DPP10: variants seen among roughly 807,000 people sequenced by gnomAD.
DPP10 encodes dipeptidyl peptidase like 10, also known as inactive dipeptidyl peptidase 10.
A neutral mutation model predicts 120.9 loss-of-function variants in DPP10; 33 were observed. That is an observed-to-expected ratio of 0.27 (90% CI 0.21 to 0.37). The LOEUF is 0.37. Ranked by LOEUF, DPP10 falls within the 10% of genes least tolerant of loss-of-function variation. DPP10 has a pLI of 1.00. For missense variants in DPP10, 816 were observed against 942.8 expected (o/e 0.87, Z 1.76); for synonymous variants, 337 against 326.1 (o/e 1.03, Z -0.36).
chr2:115,682,628 G>C (rs986768345), intron 5 of DPP10, among the ~76,000 whole-genome samples: 8 of 151,700 alleles, frequency 5.3e-5, no homozygotes, highest in African/African-American at 1.9e-4. Context: ...TCTGGTATTA[G>C]CTGCTATTAA....
chr2:115,170,552 A>C (rs1270952383), intron 1 of DPP10, among the ~76,000 whole-genome samples: 5 of 152,222 alleles, frequency 3.3e-5, no homozygotes, highest in Non-Finnish European at 7.3e-5. Context: ...TATCTACCTC[A>C]CTAGCTTTTA....
intron 1 of DPP10, among the ~76,000 whole-genome samples, chr2:114,979,564 C>T (rs1574622590): frequency 1.3e-5 from 2 of 151,922 alleles, no homozygotes; most frequent in African/African-American, 4.8e-5. Context: ...CAATCTGTCA[C>T]GTTTGATAAT....
chr2:114,737,571 C>G (rs1677575173), intron 1 of DPP10, among the ~76,000 whole-genome samples: 2 of 152,174 alleles, frequency 1.3e-5, no homozygotes, highest in Non-Finnish European at 2.9e-5. Context: ...AGGAAGCATC[C>G]TCCTTACTCC....
intron 3 of DPP10, among the ~76,000 whole-genome samples, chr2:115,391,173 T>G (rs1042336671): frequency 6.6e-6 from 1 of 152,198 alleles, no homozygotes; most frequent in African/African-American, 2.4e-5. Flanking sequence ...CATTTTTGGA[T>G]AGTATGCACT....
chr2:115,087,541 T>C (rs1708822518), intron 1 of DPP10, among the ~76,000 whole-genome samples: 1 of 139,516 alleles, frequency 7.2e-6, no homozygotes, highest in African/African-American at 2.7e-5. Flanking sequence ...TTCTTTTCTT[T>C]TTTTTTTTTT....
At chr2:114,499,536 C>G (rs545459755) in intron 1 of DPP10, among the ~76,000 whole-genome samples, 1 of 152,006 alleles carries the variant, frequency 6.6e-6, no homozygotes, top group East Asian at 1.9e-4. Flanking sequence ...TGCGCCATCT[C>G]CCAATAAAAT....
At chr2:114,956,585 GAA>G (rs1018629034) in intron 1 of DPP10, among the ~76,000 whole-genome samples, 1 of 151,984 alleles carries the variant, frequency 6.6e-6, no homozygotes, top group African/African-American at 2.4e-5. Context: ...TTCATGGAAA[GAA>G]AAAAGTGTCC....
chr2:115,650,668 C>G (rs1239887156), intron 5 of DPP10, among the ~76,000 whole-genome samples: 2 of 152,118 alleles, frequency 1.3e-5, no homozygotes, highest in African/African-American at 4.8e-5. Context: ...GTGGTCTCTA[C>G]TTGGTCTCCC....
At chr2:114,676,835 A>T (rs1698703359) in intron 1 of DPP10, among the ~76,000 whole-genome samples, 1 of 152,050 alleles carries the variant, frequency 6.6e-6, no homozygotes, top group South Asian at 2.1e-4. Context: ...TCTTCTCTGG[A>T]AATTGAGCCC....
intron 1 of DPP10, among the ~76,000 whole-genome samples, chr2:114,840,737 G>A (rs1273023096): frequency 6.6e-6 from 1 of 152,124 alleles, no homozygotes; most frequent in Non-Finnish European, 1.5e-5. Context: ...TTTACACTTT[G>A]TGGTTCTTCT....
chr2:114,983,977 G>A (rs991832850), intron 1 of DPP10, among the ~76,000 whole-genome samples: 2 of 152,188 alleles, frequency 1.3e-5, no homozygotes, highest in African/African-American at 4.8e-5. Context: ...GCCTCTCCAT[G>A]CAAATTGCTG....
chr2:114,740,919 G>C (rs763640930), intron 1 of DPP10, among the ~76,000 whole-genome samples: 35 of 152,176 alleles, frequency 2.3e-4, no homozygotes, highest in Non-Finnish European at 3.7e-4. Flanking sequence ...GAGTAATTTT[G>C]AATAATGATT....
At chr2:114,498,808 C>A (rs1682901218) in intron 1 of DPP10, among the ~76,000 whole-genome samples, 1 of 152,150 alleles carries the variant, frequency 6.6e-6, no homozygotes, top group Non-Finnish European at 1.5e-5. Context: ...TAAATTTCAA[C>A]ATAAGTTTCA....
At chr2:115,656,842 G>A (rs1272780499) in intron 5 of DPP10, among the ~76,000 whole-genome samples, 1 of 151,642 alleles carries the variant, frequency 6.6e-6, no homozygotes, top group Non-Finnish European at 1.5e-5. Flanking sequence ...TATAAAATTT[G>A]AGAAGTGCTT....
intron 3 of DPP10, among the ~76,000 whole-genome samples, chr2:115,482,516 A>G (rs2075502691): frequency 6.6e-6 from 1 of 152,016 alleles, no homozygotes; most frequent in Non-Finnish European, 1.5e-5. Context: ...AGGGAAATCT[A>G]GTACACAGTC....
At chr2:115,004,521 C>T (rs141063602) in intron 1 of DPP10, among the ~76,000 whole-genome samples, 3,085 of 151,640 alleles carry the variant, frequency 0.02, 45 homozygotes, top group African/African-American at 0.037. Flanking sequence ...GCACCGTGCG[C>T]GAGCCAAAGC....
At chr2:115,746,039 A>G (rs1677927260) in intron 9 of DPP10, 47 bp from the exon 10 acceptor site, 6 of 1,374,046 alleles carry the variant, frequency 4.4e-6, no homozygotes, top group Non-Finnish European at 5.0e-6. Flanking sequence ...TACCCAATAT[A>G]TTCTAATGCT....
intron 1 of DPP10, among the ~76,000 whole-genome samples, chr2:114,931,673 T>C (rs558955142): frequency 6.6e-6 from 1 of 152,278 alleles, no homozygotes; most frequent in South Asian, 2.1e-4. Flanking sequence ...AGTAGAATAA[T>C]CAGGGGACTT....
chr2:115,269,141 C>T (rs1026887710), intron 1 of DPP10, among the ~76,000 whole-genome samples: 10 of 151,846 alleles, frequency 6.6e-5, no homozygotes, highest in East Asian at 3.9e-4. Context: ...AGTGAGACTC[C>T]GTCTCAAAGA....
Sources: gnomAD v4.1 joint callset for allele counts (sites outside exome capture counted in the v4.1 genomes callset) on GRCh38, gnomAD v4.1.1 for gene constraint, MANE v1.5 for transcripts, NCBI Gene and HGNC (gene_info 2026-07-23, HGNC 2026-07-21) for gene names.